The following TNS1 variants were observed in gnomAD, a reference collection of about 807,000 sequenced individuals.
TNS1 encodes the protein tensin 1, also known as tensin-1.
A neutral mutation model predicts 168.6 loss-of-function variants in TNS1; 62 were observed. That is an observed-to-expected ratio of 0.37 (90% CI 0.30 to 0.45). The LOEUF (loss-of-function observed/expected upper bound fraction) is 0.45. TNS1 is among the 20% of genes least tolerant of loss of function. The pLI is 1.00. For synonymous variants in TNS1, 934 were observed against 933.2 expected, an observed-to-expected ratio of 1.00 and a Z score of -0.02; for missense variants, 2,240 against 2,339.4, an observed-to-expected ratio of 0.96 and a Z score of 0.88.
upstream of TNS1, among the ~76,000 whole-genome samples, chr2:218,014,460 G>A (rs1465037123): frequency 6.6e-6 from 1 of 152,130 alleles, no homozygotes; most frequent in Non-Finnish European, 1.5e-5. Context: ...GCACGCATGG[G>A]TGAACTGCCC....
chr2:217,818,487 G>A lies in TNS1; in HGVS notation c.3845C>T (p.Pro1282Leu). 6.2e-7 allele frequency: 1 copy of A among 1,614,244 alleles called. No homozygotes were observed. Among genetic ancestry groups the A allele is most frequent in the Non-Finnish European group, 8.5e-7 (1 of 1,180,048 alleles). The change falls in exon 24 of 33, where the codon CCT becomes CTT. Residue 1282 changes from proline (P) to leucine (L), a missense_variant. Physicochemically the swap from Pro to Leu is moderately conservative, Grantham distance 98 (BLOSUM62 -3). Around this residue, in one of 2 missense-constraint regions of TNS1, gnomAD observed 2,131 missense variants for 2,171.2 expected, o/e 0.98. Coordinates refer to ENST00000682258, the MANE Select transcript of TNS1 (RefSeq NM_001387777.1). ...GCCCACTGTTCTGTGGCGCGCCTGAGGGCTCCCAGGCACCGTGTGGACGCC... is the reference window on the plus strand; with the variant it reads ...GCCCACTGTTCTGTGGCGCGCCTGAAGGCTCCCAGGCACCGTGTGGACGCC... ...VAGVHTVPGSPQARHRTVGTN... is the reference protein window; with the variant it reads ...VAGVHTVPGSLQARHRTVGTN...
At chr2:217,954,653 CCAA>C (rs1957317052) in intron 3 of TNS1, among the ~76,000 whole-genome samples, 4 of 152,088 alleles carry the variant, frequency 2.6e-5, no homozygotes, top group African/African-American at 7.2e-5. Flanking sequence ...GAGTCCAGTG[CCAA>C]CTCCACTGCC....
chr2:217,898,064 C>G, intron 7 of TNS1, 95 bp from the exon 8 acceptor site: 1 of 1,369,094 alleles, frequency 7.3e-7, no homozygotes, highest in Non-Finnish European at 9.7e-7. Context: ...CTGTGTGACC[C>G]CCATATGCAG....
chr2:217,910,539 G>A (rs1420306693), intron 4 of TNS1, among the ~76,000 whole-genome samples: 1 of 151,936 alleles, frequency 6.6e-6, no homozygotes, highest in Non-Finnish European at 1.5e-5. Context: ...AGGATCCCCT[G>A]AGGCTGCCAC....
At chr2:217,933,249 C>T (rs926770262) in intron 3 of TNS1, among the ~76,000 whole-genome samples, 1 of 152,098 alleles carries the variant, frequency 6.6e-6, no homozygotes, top group South Asian at 2.1e-4. Context: ...GGAGGGCAAA[C>T]GGAGGGGCGG....
chr2:217,994,056 G>C (rs1574469577), intron 1 of TNS1, among the ~76,000 whole-genome samples: 1 of 152,146 alleles, frequency 6.6e-6, no homozygotes, highest in Admixed American at 6.5e-5. Flanking sequence ...CTGGTGGTCA[G>C]GGAGGCCTCT....
At chr2:218,016,128 C>A (rs892293612) in intron 1 of TNS1, among the ~76,000 whole-genome samples, 11 of 152,120 alleles carry the variant, frequency 7.2e-5, no homozygotes, top group Non-Finnish European at 2.9e-5. Flanking sequence ...TACCATCCAC[C>A]CCCACCCCCA....
At chr2:217,857,136 C>T (rs1271330843) in intron 18 of TNS1, among the ~76,000 whole-genome samples, 1 of 152,210 alleles carries the variant, frequency 6.6e-6, no homozygotes, top group Admixed American at 6.5e-5. Flanking sequence ...GAGCCCCTCC[C>T]ACCCACGGCT....
intron 17 of TNS1, 81 bp downstream of exon 17, chr2:217,882,265 A>G: frequency 1.0e-6 from 1 of 983,626 alleles, no homozygotes; most frequent in East Asian, 2.5e-5. Context: ...ACTGTGGAAC[A>G]GACCAGGGGT....
intron 18 of TNS1, among the ~76,000 whole-genome samples, chr2:217,858,881 C>T (rs912395403): frequency 4.6e-5 from 7 of 151,974 alleles, no homozygotes; most frequent in African/African-American, 1.7e-4. Context: ...ATCACGGTGG[C>T]TTCCCAAGCC....
chr2:217,950,120 A>G (rs1215182454), intron 3 of TNS1, among the ~76,000 whole-genome samples: 2 of 152,244 alleles, frequency 1.3e-5, no homozygotes, highest in African/African-American at 4.8e-5. Context: ...GCCAAAGAGC[A>G]TCCAGAGGAG....
intron 3 of TNS1, among the ~76,000 whole-genome samples, chr2:217,943,529 C>T (rs1403386001): frequency 1.3e-5 from 2 of 152,230 alleles, no homozygotes; most frequent in Admixed American, 6.5e-5. Flanking sequence ...TCCCAAGCAG[C>T]CACTGACACC....
At chr2:217,878,217 C>T (rs1156598170) in intron 18 of TNS1, among the ~76,000 whole-genome samples, 4 of 152,226 alleles carry the variant, frequency 2.6e-5, no homozygotes, top group Non-Finnish European at 5.9e-5. Context: ...GCACACCCCC[C>T]TCGCCTAACC....
upstream of TNS1, among the ~76,000 whole-genome samples, chr2:218,005,533 C>T (rs139172817): frequency 5.9e-5 from 9 of 152,312 alleles, no homozygotes; most frequent in East Asian, 1.9e-4. Flanking sequence ...TAAACTCTGC[C>T]GACTGAGGTG....
At chr2:217,839,338 C>A (rs1945620100) in intron 19 of TNS1, among the ~76,000 whole-genome samples, 1 of 152,124 alleles carries the variant, frequency 6.6e-6, no homozygotes. Flanking sequence ...CATACACGGG[C>A]ATCAGGCCTT....
rs1245291162 is a variant in TNS1, at chr2:217,978,808, A to C, written c.149-6T>G. 1 of 702,236 alleles carries C rather than the reference A, an allele frequency of 1.4e-6. No individual in the cohort carries two copies. The highest frequency in any genetic ancestry group is 2.6e-6 in the Non-Finnish European group (1 of 384,562). The allele number at this position is 702,236 out of a possible 1,614,324, so 43.5% of individuals were successfully genotyped here. A position where few individuals can be genotyped will look rare whatever the true frequency, so the allele number is the denominator to read the frequency against. On this transcript the variant is annotated splice_region_variant and splice_polypyrimidine_tract_variant and intron_variant, in intron 2 of 32. Transcript: ENST00000682258. ...ATGACAGGAGAAGCTGCAGACTGCA[A>C]GAGGGCGAGACACAGAAAGAAAGTT...
chr2:217,867,391 C>A (rs567301849), intron 18 of TNS1, among the ~76,000 whole-genome samples: 1 of 152,198 alleles, frequency 6.6e-6, no homozygotes, highest in South Asian at 2.1e-4. Context: ...CCATTCACTG[C>A]AGCATTTTTT....
chr2:217,963,533 A>AG, intron 3 of TNS1, among the ~76,000 whole-genome samples: 1 of 152,286 alleles, frequency 6.6e-6, no homozygotes, highest in African/African-American at 2.4e-5. Flanking sequence ...AAATGGCCCA[A>AG]GGCTACTCAG....
intron 6 of TNS1, chr2:217,903,940 C>T: frequency 2.8e-6 from 1 of 352,554 alleles, no homozygotes; most frequent in African/African-American, 2.1e-5. Context: ...CCCTGCTTTC[C>T]TTTGAGGTCC....
Sources: allele counts gnomAD v4.1 joint callset (sites outside exome capture counted in the v4.1 genomes callset), GRCh38; gene constraint gnomAD v4.1.1; regional missense constraint gnomAD v4.1.1; transcripts MANE v1.5; gene names NCBI Gene and HGNC (gene_info 2026-07-23, HGNC 2026-07-21).